The following TMCO4 variants were observed in gnomAD, a reference collection of about 807,000 sequenced individuals.
TMCO4 encodes the protein transmembrane and coiled-coil domains 4, also known as transmembrane and coiled-coil domain-containing protein 4.
In TMCO4, 58 loss-of-function variants were observed where a neutral mutation model predicts 64.7. The observed-to-expected ratio is 0.90, with a 90% CI of 0.73 to 1.12. The LOEUF (loss-of-function observed/expected upper bound fraction) is 1.12, where lower values mean the gene tolerates loss of function less well. Ranked by LOEUF, TMCO4 falls within the 50% of genes most tolerant of loss-of-function variation. The pLI, the probability that TMCO4 is intolerant of heterozygous loss-of-function variation, is 0.00. For synonymous variants in TMCO4, 325 were observed against 346.1 expected (o/e 0.94, Z 0.68); for missense variants, 780 against 825.9 (o/e 0.94, Z 0.68).
chr1:19,685,451 A>G (rs1431672734), intron 15 of TMCO4, among the ~76,000 whole-genome samples: 1 of 152,142 alleles, frequency 6.6e-6, no homozygotes, highest in African/African-American at 2.4e-5. Context: ...CGTTCATCCC[A>G]TTTTTGTGTT....
intron 6 of TMCO4, 63 bp downstream of exon 6, chr1:19,770,479 G>C: frequency 6.3e-7 from 1 of 1,598,946 alleles, no homozygotes. Context: ...CCTCTCACTG[G>C]CTTTGCTAGC....
intron 14 of TMCO4, among the ~76,000 whole-genome samples, chr1:19,700,492 G>A (rs554165514): frequency 3.3e-5 from 5 of 152,140 alleles, no homozygotes; most frequent in African/African-American, 4.8e-5. Context: ...AGGCCAAGCC[G>A]CCCCAGCCTC....
intron 6 of TMCO4, among the ~76,000 whole-genome samples, chr1:19,763,291 G>T (rs1355704254): frequency 6.6e-6 from 1 of 152,114 alleles, no homozygotes; most frequent in Non-Finnish European, 1.5e-5. Flanking sequence ...GCCCAGGCTG[G>T]TCTCGAACTC....
At chr1:19,758,984 C>A (rs1168499639) in intron 6 of TMCO4, among the ~76,000 whole-genome samples, 1 of 151,716 alleles carries the variant, frequency 6.6e-6, no homozygotes, top group Non-Finnish European at 1.5e-5. Context: ...CGTTTGTAAT[C>A]CCAGCTACTC....
chr1:19,767,929 T>A (rs10917535), intron 6 of TMCO4, among the ~76,000 whole-genome samples: 26,946 of 151,750 alleles, frequency 0.18, 2,619 homozygotes, highest in East Asian at 0.35. Context: ...CCATCTCTAC[T>A]AAAAATACAA....
intron 6 of TMCO4, among the ~76,000 whole-genome samples, chr1:19,759,269 CCTT>C (rs1396686760): frequency 6.6e-6 from 1 of 152,230 alleles, no homozygotes; most frequent in African/African-American, 2.4e-5. Flanking sequence ...CCACTTCACT[CCTT>C]CTCCACTGCC....
intron 15 of TMCO4, among the ~76,000 whole-genome samples, chr1:19,685,264 T>A (rs1034650100): frequency 6.6e-6 from 1 of 152,220 alleles, no homozygotes; most frequent in African/African-American, 2.4e-5. Flanking sequence ...AGGCTGAGGC[T>A]GCAGTGAGCC....
intron 4 of TMCO4, among the ~76,000 whole-genome samples, 200 bp from the exon 5 acceptor site, chr1:19,771,682 G>A (rs1553149448): frequency 6.6e-6 from 1 of 152,168 alleles, no homozygotes; most frequent in Non-Finnish European, 1.5e-5. Context: ...TTGAGATGGA[G>A]TTTCGCTCTT....
At chr1:19,767,222 C>T (rs931264553) in intron 6 of TMCO4, among the ~76,000 whole-genome samples, 2 of 152,150 alleles carry the variant, frequency 1.3e-5, no homozygotes, top group Non-Finnish European at 2.9e-5. Flanking sequence ...CTATGGGCCT[C>T]GGTTTGTTCA....
At chr1:19,733,358 A>G (rs537844246) in intron 13 of TMCO4, among the ~76,000 whole-genome samples, 1 of 152,310 alleles carries the variant, frequency 6.6e-6, no homozygotes, top group East Asian at 1.9e-4. Flanking sequence ...GTTTGTCTAC[A>G]TCTGTGCCAA....
chr1:19,757,167 G>GC (rs1553145668), intron 6 of TMCO4, among the ~76,000 whole-genome samples: 4 of 150,394 alleles, frequency 2.7e-5, no homozygotes, highest in African/African-American at 4.9e-5. Context: ...GGCGGGGGGG[G>GC]GCGCCTGTAA....
chr1:19,740,471 G>T (rs2095474294), intron 11 of TMCO4, among the ~76,000 whole-genome samples: 2 of 152,158 alleles, frequency 1.3e-5, no homozygotes, highest in Non-Finnish European at 2.9e-5. Context: ...TGACCCACAG[G>T]CCTAGCTAAG....
At chr1:19,687,422 T>C (rs1052131738) in intron 15 of TMCO4, among the ~76,000 whole-genome samples, 1 of 152,140 alleles carries the variant, frequency 6.6e-6, no homozygotes, top group Non-Finnish European at 1.5e-5. Flanking sequence ...GCAATTTGAG[T>C]TAGTGATACC....
chr1:19,733,064 G>T (rs574737284), intron 13 of TMCO4, among the ~76,000 whole-genome samples: 5 of 152,146 alleles, frequency 3.3e-5, no homozygotes, highest in African/African-American at 1.2e-4. Flanking sequence ...TCGGGAGTTT[G>T]GGACCAGCCT....
chr1:19,683,743 G>T (rs1252676396), intron 15 of TMCO4, among the ~76,000 whole-genome samples: 1 of 139,236 alleles, frequency 7.2e-6, no homozygotes, highest in Non-Finnish European at 1.5e-5. Flanking sequence ...AGAAGCTCTC[G>T]TTCTTTGTCT....
At chr1:19,700,464 C>T (rs2095264380) in intron 14 of TMCO4, among the ~76,000 whole-genome samples, 1 of 152,204 alleles carries the variant, frequency 6.6e-6, no homozygotes, top group Non-Finnish European at 1.5e-5. Context: ...GCCCATGTCC[C>T]TTCCCCCAGC....
intron 13 of TMCO4, among the ~76,000 whole-genome samples, chr1:19,712,484 G>C (rs1458725173): frequency 6.6e-6 from 1 of 152,030 alleles, no homozygotes; most frequent in African/African-American, 2.4e-5. Context: ...GCCAGGCGTG[G>C]TGGCAGGTGC....
At chr1:19,725,126 C>T (rs1165747721) in intron 13 of TMCO4, among the ~76,000 whole-genome samples, 1 of 152,170 alleles carries the variant, frequency 6.6e-6, no homozygotes, top group African/African-American at 2.4e-5. Flanking sequence ...TCAAATTGAG[C>T]CCGCTTACAG....
intron 3 of TMCO4, among the ~76,000 whole-genome samples, chr1:19,781,962 T>C (rs576728098): frequency 6.6e-6 from 1 of 152,378 alleles, no homozygotes; most frequent in South Asian, 2.1e-4. Flanking sequence ...AGAACTTTCA[T>C]ACACTGCTGG....
Sources: allele counts gnomAD v4.1 joint callset (sites outside exome capture counted in the v4.1 genomes callset), GRCh38; gene constraint gnomAD v4.1.1; transcripts MANE v1.5; gene names NCBI Gene and HGNC (gene_info 2026-07-23, HGNC 2026-07-21).